Variants in ANKS1B observed in about 807,000 individuals in gnomAD.
The protein encoded by ANKS1B is ankyrin repeat and sterile alpha motif domain containing 1B.
In ANKS1B, 36 loss-of-function variants were observed where a neutral mutation model predicts 148.3. The ratio of observed to expected loss-of-function variants is 0.24; its 90% CI spans 0.19 to 0.32. The LOEUF (loss-of-function observed/expected upper bound fraction) is 0.32. ANKS1B is among the 10% of genes least tolerant of loss of function. The pLI is 1.00. For synonymous variants in ANKS1B, 542 were observed against 560.8 expected (o/e 0.97, Z 0.47); for missense variants, 1,157 against 1,542.6 (o/e 0.75, Z 4.19).
chr12:98,997,084 G>C lies in ANKS1B; in HGVS notation c.2778+56073C>G, dbSNP rs151232793. Among the ~76,000 whole-genome samples, 479 of 152,100 alleles carry C rather than the reference G, an allele frequency of 3.1e-3. 3 individuals carry two copies. The highest frequency in any genetic ancestry group is 0.011 in the African/African-American group (448 of 41,506). ...TAGAACAACATAGACAATATATTCTGATTTTTATTTAAAAGAAATATGCAA... is the reference window on the plus strand; with the variant it reads ...TAGAACAACATAGACAATATATTCTCATTTTTATTTAAAAGAAATATGCAA... On this transcript the variant is annotated intron_variant, in intron 17 of 26. Transcript: ENST00000683438.
At chr12:99,118,726 G>A (rs2061995189) in intron 15 of ANKS1B, among the ~76,000 whole-genome samples, 1 of 152,132 alleles carries the variant, frequency 6.6e-6, no homozygotes, top group African/African-American at 2.4e-5. Context: ...CACAAAGAAA[G>A]GATAGAAGAA....
At chr12:99,536,333 A>T (rs1477710506) in intron 9 of ANKS1B, among the ~76,000 whole-genome samples, 1 of 152,174 alleles carries the variant, frequency 6.6e-6, no homozygotes, top group Non-Finnish European at 1.5e-5. Flanking sequence ...GGGGCAAGGG[A>T]GATATGGGAA....
chr12:98,953,060 GC>G (rs1340917110), intron 17 of ANKS1B, among the ~76,000 whole-genome samples: 1 of 149,774 alleles, frequency 6.7e-6, no homozygotes, highest in Non-Finnish European at 1.5e-5. Context: ...TCACTCTGTT[GC>G]CCAGGCTGGA....
chr12:98,886,598 A>G (rs1412356723), intron 17 of ANKS1B, among the ~76,000 whole-genome samples: 4 of 152,222 alleles, frequency 2.6e-5, no homozygotes, highest in Non-Finnish European at 5.9e-5. Context: ...TATCTGATCT[A>G]AATAACACAT....
intron 17 of ANKS1B, among the ~76,000 whole-genome samples, chr12:98,979,212 A>C (rs1416515950): frequency 6.6e-6 from 1 of 151,646 alleles, no homozygotes; most frequent in Non-Finnish European, 1.5e-5. Flanking sequence ...CACTTACATC[A>C]CTTCATTTCT....
At chr12:99,140,765 A>G (rs1033306682) in intron 15 of ANKS1B, among the ~76,000 whole-genome samples, 1 of 152,108 alleles carries the variant, frequency 6.6e-6, no homozygotes, top group African/African-American at 2.4e-5. Context: ...TGTCTTTTCC[A>G]TGCTGAATCT....
chr12:99,526,163 G>C (rs1197897390), intron 9 of ANKS1B, among the ~76,000 whole-genome samples: 1 of 151,960 alleles, frequency 6.6e-6, no homozygotes, highest in Non-Finnish European at 1.5e-5. Flanking sequence ...GTGAGGGTTT[G>C]AAAAAAATGG....
Position 99,428,429 on chromosome 12 carries a change from G to C in ANKS1B, c.1575+15244C>G, listed in dbSNP as rs1842973708. On this transcript the variant is annotated intron_variant, in intron 11 of 26. Transcript: ENST00000683438. Reference sequence around the variant, plus strand: ...TGGAGATGACCCTAAATGAGAATCAGGACCTGATATAATAACAAAATACAC... The same window carrying C: ...TGGAGATGACCCTAAATGAGAATCACGACCTGATATAATAACAAAATACAC... Among the ~76,000 whole-genome samples, 11 of 152,266 alleles carry C rather than the reference G, an allele frequency of 7.2e-5. No individual in the cohort carries two copies. The South Asian group carries it at 2.3e-3, about 32-fold the overall frequency.
At chr12:99,369,020 TG>T (rs1022557297) in intron 12 of ANKS1B, among the ~76,000 whole-genome samples, 1 of 152,196 alleles carries the variant, frequency 6.6e-6, no homozygotes, top group African/African-American at 2.4e-5. Flanking sequence ...GAAAGTTCAC[TG>T]GGGAATACCT....
intron 17 of ANKS1B, among the ~76,000 whole-genome samples, chr12:98,832,514 A>G (rs918652743): frequency 6.6e-6 from 1 of 152,144 alleles, no homozygotes; most frequent in Admixed American, 6.5e-5. Flanking sequence ...CTTTCCCTCC[A>G]TCCAGGATAT....
chr12:99,784,136 T>G (rs2064705339), intron 4 of ANKS1B, among the ~76,000 whole-genome samples: 1 of 149,710 alleles, frequency 6.7e-6, no homozygotes, highest in African/African-American at 2.4e-5. Flanking sequence ...CTTCCAAACC[T>G]CATACCCTAT....
At chr12:99,261,562 TC>T (rs2075925418) in intron 12 of ANKS1B, among the ~76,000 whole-genome samples, 1 of 152,168 alleles carries the variant, frequency 6.6e-6, no homozygotes, top group Admixed American at 6.6e-5. Flanking sequence ...GACTTGTATA[TC>T]CTACTGTCTT....
intron 4 of ANKS1B, among the ~76,000 whole-genome samples, chr12:99,801,221 T>C (rs2066907080): frequency 1.3e-5 from 2 of 152,174 alleles, no homozygotes; most frequent in Non-Finnish European, 2.9e-5. Context: ...GCACAATCAA[T>C]GCCCCCCTGC....
At chr12:99,973,103 A>C (rs2095580386) in intron 1 of ANKS1B, among the ~76,000 whole-genome samples, 1 of 152,250 alleles carries the variant, frequency 6.6e-6, no homozygotes, top group Non-Finnish European at 1.5e-5. Context: ...GCAGTGCACT[A>C]GTCACACAAG....
intron 12 of ANKS1B, among the ~76,000 whole-genome samples, chr12:99,335,854 T>C (rs899736225): frequency 1.3e-5 from 2 of 152,152 alleles, no homozygotes; most frequent in African/African-American, 4.8e-5. Context: ...AATATACTAA[T>C]TTCCTTTCCT....
chr12:99,961,399 T>G (rs555029541), intron 1 of ANKS1B, among the ~76,000 whole-genome samples: 72 of 152,318 alleles, frequency 4.7e-4, no homozygotes, highest in South Asian at 1.5e-3. Flanking sequence ...TTTTTCCACA[T>G]GCCTCTTTTC....
chr12:99,475,712 TA>T (rs1490950450), intron 10 of ANKS1B, among the ~76,000 whole-genome samples: 4 of 151,540 alleles, frequency 2.6e-5, no homozygotes, highest in East Asian at 1.9e-4. Context: ...AAATAATAGT[TA>T]AAAAAAGAAT....
At chr12:99,799,681 G>C (rs1242399933) in intron 4 of ANKS1B, among the ~76,000 whole-genome samples, 1 of 152,068 alleles carries the variant, frequency 6.6e-6, no homozygotes, top group Non-Finnish European at 1.5e-5. Context: ...AGTAAAGGAA[G>C]GCCTCACTAT....
intron 1 of ANKS1B, among the ~76,000 whole-genome samples, chr12:99,915,823 A>G (rs2094154013): frequency 6.6e-6 from 1 of 152,330 alleles, no homozygotes; most frequent in South Asian, 2.1e-4. Context: ...GTTCCTTTTA[A>G]GGGCTGGGTG....
Sources: gnomAD v4.1 joint callset for allele counts (sites outside exome capture counted in the v4.1 genomes callset) on GRCh38, gnomAD v4.1.1 for gene constraint, MANE v1.5 for transcripts, NCBI Gene and HGNC (gene_info 2026-07-23, HGNC 2026-07-21) for gene names.